The following PTPRN2 variants were observed in gnomAD, a reference collection of about 807,000 sequenced individuals.
PTPRN2 encodes protein tyrosine phosphatase receptor type N2.
Under a neutral mutation model 118.8 loss-of-function variants are expected in PTPRN2, and 74 were observed. The ratio of observed to expected loss-of-function variants is 0.62; its 90% CI spans 0.52 to 0.76. The LOEUF (loss-of-function observed/expected upper bound fraction) is 0.76. Among genes scored for constraint, PTPRN2 ranks in the 30% least tolerant of loss-of-function variants. The pLI is 0.00. For synonymous variants in PTPRN2, 641 were observed against 608.0 expected, an observed-to-expected ratio of 1.05 and a Z score of -0.80; for missense variants, 1,481 against 1,394.4, an observed-to-expected ratio of 1.06 and a Z score of -0.99.
intron 10 of PTPRN2, among the ~76,000 whole-genome samples, chr7:158,092,369 G>C (rs890964942): frequency 6.6e-6 from 1 of 150,994 alleles, no homozygotes; most frequent in South Asian, 2.1e-4. Flanking sequence ...AGGATGGATG[G>C]ATGGGTAGAG....
chr7:158,018,911 G>A (rs952761977), intron 11 of PTPRN2, among the ~76,000 whole-genome samples: 19 of 128,176 alleles, frequency 1.5e-4, no homozygotes, highest in Non-Finnish European at 2.6e-4. Context: ...AGTGAGCCGA[G>A]ATCATGCGAC....
At chr7:157,918,196 C>T (rs2128767509) in intron 11 of PTPRN2, among the ~76,000 whole-genome samples, 1 of 152,334 alleles carries the variant, frequency 6.6e-6, no homozygotes, top group African/African-American at 2.4e-5. Flanking sequence ...AGGCCTTCAC[C>T]TCCCCGTTTA....
At chr7:158,336,646 C>A in intron 2 of PTPRN2, among the ~76,000 whole-genome samples, 1 of 110,090 alleles carries the variant, frequency 9.1e-6, no homozygotes, top group Admixed American at 8.4e-5. Context: ...CACTCACACC[C>A]ACACGTCACT....
chr7:157,913,065 G>T (rs1454760925), intron 11 of PTPRN2, among the ~76,000 whole-genome samples: 1 of 152,148 alleles, frequency 6.6e-6, no homozygotes, highest in African/African-American at 2.4e-5. Context: ...CTGTGAACAT[G>T]TAAATCTCTC....
At chr7:157,807,235 T>G (rs1226396330) in intron 12 of PTPRN2, among the ~76,000 whole-genome samples, 1 of 152,186 alleles carries the variant, frequency 6.6e-6, no homozygotes, top group Non-Finnish European at 1.5e-5. Flanking sequence ...GCCCAGCCCT[T>G]TCCGTGCCCT....
chr7:157,598,863 C>T lies in PTPRN2; in HGVS notation c.2419-3548G>A, dbSNP rs937544520. On this transcript the variant is annotated intron_variant, in intron 16 of 22. Coordinates refer to ENST00000389418, the MANE Select transcript of PTPRN2 (RefSeq NM_002847.5). The surrounding 1 kb of genome is among the most constrained non-coding windows in gnomAD (Gnocchi z 5.2). ...ATGGCGAGGTGCGGTCATTTCTGAG[C>T]GCTTTCTCCCCAGACAGGGGCTTCT... is the stretch of plus-strand genomic sequence containing the variant. 2.6e-5 allele frequency among the ~76,000 whole-genome samples: 4 copies of T among 152,146 alleles called. No homozygotes were observed. The highest frequency in any genetic ancestry group is 7.2e-5 in the African/African-American group (3 of 41,420).
At chr7:158,139,782 G>T (rs188643742) in intron 6 of PTPRN2, among the ~76,000 whole-genome samples, 1 of 152,180 alleles carries the variant, frequency 6.6e-6, no homozygotes, top group Non-Finnish European at 1.5e-5. Flanking sequence ...TAAGAACAAC[G>T]TATTTCATAC....
chr7:158,259,068 G>T (rs1054924353), intron 3 of PTPRN2, among the ~76,000 whole-genome samples: 1 of 152,202 alleles, frequency 6.6e-6, no homozygotes, highest in African/African-American at 2.4e-5. Flanking sequence ...CCTTGTGCAT[G>T]TCCCCGTGAG....
chr7:158,273,690 G>A (rs1213952200), intron 3 of PTPRN2, among the ~76,000 whole-genome samples: 1 of 136,892 alleles, frequency 7.3e-6, no homozygotes, highest in Non-Finnish European at 1.6e-5. Context: ...GACACAGGGA[G>A]CCGCAGACAC....
Position 158,167,120 on chromosome 7 carries a change from GGT to G in PTPRN2, c.719_720del (p.His240ProfsTer80). On this transcript the variant is annotated frameshift_variant, in exon 6 of 23. Coordinates refer to ENST00000389418, the MANE Select transcript of PTPRN2 (RefSeq NM_002847.5). LOFTEE classifies it high-confidence loss of function. ...SPKVDSGVDR[H>X]HLMAALSAYA... is the part of the protein sequence containing the mutation. ...TAGGCACTGAGGGCCGCCATCAGATGGTGTCTGTCCACACCACTGTCCACCTT... is the reference window on the plus strand; with the variant it reads ...TAGGCACTGAGGGCCGCCATCAGATGGTCTGTCCACACCACTGTCCACCTT... The G allele has an allele frequency of 6.2e-7, 1 of 1,613,724 alleles. No individual in the cohort carries two copies. The highest frequency in any genetic ancestry group is 1.1e-5 in the South Asian group (1 of 91,056).
intron 2 of PTPRN2, among the ~76,000 whole-genome samples, chr7:158,329,215 G>C (rs1487238062): frequency 6.6e-6 from 1 of 152,208 alleles, no homozygotes; most frequent in Non-Finnish European, 1.5e-5. Context: ...AAGCGTGGCG[G>C]GTGGGAGGCC....
In PTPRN2 at chr7:157,977,604, C is replaced by T. The variant is rs567221921; in HGVS notation, c.1724-78867G>A. Among the ~76,000 whole-genome samples, 6 of 149,662 alleles carry T rather than the reference C, an allele frequency of 4.0e-5. No homozygotes were observed. The highest frequency in any genetic ancestry group is 4.2e-4 in the South Asian group (2 of 4,726). ...CGTGAGAAGGCCCCAGGTGGGATGA[C>T]GTGAGTGTGTTCATGGAGTAGTGTA... is the stretch of plus-strand genomic sequence containing the variant. On this transcript the variant is annotated intron_variant, in intron 11 of 22. Transcript: ENST00000389418. This position sits in a 1 kb window ranked among gnomAD's most constrained non-coding sequence, Gnocchi z 4.6.
intron 3 of PTPRN2, among the ~76,000 whole-genome samples, chr7:158,294,012 T>C (rs1800294467): frequency 6.6e-6 from 1 of 152,236 alleles, no homozygotes; most frequent in African/African-American, 2.4e-5. Flanking sequence ...AAAATAATGA[T>C]AAAAGTACAG....
At chr7:158,456,045 C>T (rs900557084) in intron 2 of PTPRN2, among the ~76,000 whole-genome samples, 49 of 149,718 alleles carry the variant, frequency 3.3e-4, no homozygotes, top group East Asian at 4.1e-4. Context: ...AGCCCCCCAT[C>T]GCTCTGCAGA....
At chr7:157,823,559 T>C (rs79510345) in intron 12 of PTPRN2, among the ~76,000 whole-genome samples, 2,440 of 152,284 alleles carry the variant, frequency 0.016, 65 homozygotes, top group African/African-American at 0.053. Context: ...AGAATTGGAC[T>C]CCTAGGATCC....
intron 1 of PTPRN2, among the ~76,000 whole-genome samples, chr7:158,492,339 C>T (rs922718782): frequency 2.0e-5 from 3 of 152,250 alleles, no homozygotes; most frequent in Non-Finnish European, 2.9e-5. Flanking sequence ...AGCTCACGTT[C>T]TAACTCCATG....
intron 4 of PTPRN2, among the ~76,000 whole-genome samples, chr7:158,204,959 G>A (rs1826998624): frequency 6.6e-6 from 1 of 152,060 alleles, no homozygotes; most frequent in Non-Finnish European, 1.5e-5. Context: ...AGAACCCCTG[G>A]GCATGTCTCT....
rs574659761 is a variant in PTPRN2, at chr7:157,629,111, C to T, written c.2197-7602G>A. Among the ~76,000 whole-genome samples the T allele has an allele frequency of 6.6e-6, 1 of 152,288 alleles. No homozygotes were observed. Among genetic ancestry groups the T allele is most frequent in the South Asian group, 2.1e-4 (1 of 4,824 alleles). ...CCAGGAGGAAGTGCAGCTGCCACCT[C>T]TGAGTACTGGGGTAGTGCATCTGGA... On this transcript the variant is annotated intron_variant, in intron 14 of 22. Transcript: ENST00000389418. The surrounding 1 kb of genome is among the most constrained non-coding windows in gnomAD (Gnocchi z 4.4).
chr7:158,363,290 C>T (rs929265651), intron 2 of PTPRN2, among the ~76,000 whole-genome samples: 11 of 151,986 alleles, frequency 7.2e-5, no homozygotes, highest in Admixed American at 3.3e-4. Context: ...TATGGGAGGA[C>T]GCTCAGGTGC....
Sources: gnomAD v4.1 joint callset for allele counts (sites outside exome capture counted in the v4.1 genomes callset) on GRCh38, gnomAD v4.1.1 for gene constraint, Gnocchi (gnomAD v3.1) non-coding constraint, MANE v1.5 for transcripts, NCBI Gene and HGNC (gene_info 2026-07-23, HGNC 2026-07-21) for gene names.